MYO5A: variants seen among roughly 807,000 people sequenced by gnomAD.
The protein encoded by MYO5A is unconventional myosin-Va.
Under a neutral mutation model 249.7 loss-of-function variants are expected in MYO5A, and 98 were observed. The ratio of observed to expected loss-of-function variants is 0.39; its 90% CI spans 0.33 to 0.46. The LOEUF is 0.46. Ranked by LOEUF, MYO5A falls within the 20% of genes least tolerant of loss-of-function variation. The pLI is 0.98. For synonymous variants in MYO5A, 778 were observed against 810.6 expected, an observed-to-expected ratio of 0.96 and a Z score of 0.68; for missense variants, 1,696 against 2,308.8, an observed-to-expected ratio of 0.73 and a Z score of 5.44.
At chr15:52,416,630 G>A (rs2043507032) in intron 4 of MYO5A, among the ~76,000 whole-genome samples, 1 of 152,082 alleles carries the variant, frequency 6.6e-6, no homozygotes, top group African/African-American at 2.4e-5. Context: ...CATTTCATGG[G>A]GTGTGGGGGA....
chr15:52,399,925 T>C (rs1162342083), intron 9 of MYO5A, among the ~76,000 whole-genome samples: 3 of 152,242 alleles, frequency 2.0e-5, no homozygotes, highest in Non-Finnish European at 1.5e-5. Flanking sequence ...TTTCTGTTTT[T>C]GCATAACTTA....
intron 24 of MYO5A, among the ~76,000 whole-genome samples, chr15:52,362,803 TTTC>T (rs2040600016): frequency 6.6e-6 from 1 of 152,180 alleles, no homozygotes; most frequent in Non-Finnish European, 1.5e-5. Flanking sequence ...CTGGAGGACC[TTTC>T]TAGAAATGGC....
intron 22 of MYO5A, among the ~76,000 whole-genome samples, chr15:52,369,007 G>A (rs149981654): frequency 5.0e-4 from 76 of 152,270 alleles, no homozygotes; most frequent in African/African-American, 1.7e-3. Context: ...TTGAGTGCAC[G>A]TCTTAATTCT....
intron 27 of MYO5A, among the ~76,000 whole-genome samples, chr15:52,351,848 G>T (rs901560400): frequency 4.6e-5 from 7 of 152,126 alleles, no homozygotes; most frequent in Admixed American, 1.3e-4. Context: ...GAAATCTGAG[G>T]GTCCAGCTGG....
intron 24 of MYO5A, among the ~76,000 whole-genome samples, chr15:52,363,343 T>C (rs535058937): frequency 1.3e-5 from 2 of 152,372 alleles, no homozygotes; most frequent in South Asian, 2.1e-4. Flanking sequence ...TCTTTAGATT[T>C]GTCAATTATA....
At chr15:52,374,472 A>C (rs1241406704) in intron 20 of MYO5A, among the ~76,000 whole-genome samples, 1 of 152,234 alleles carries the variant, frequency 6.6e-6, no homozygotes, top group Non-Finnish European at 1.5e-5. Context: ...CTATTTATTC[A>C]GAAAAAGGGC....
chr15:52,377,224 A>C (rs558619041), intron 18 of MYO5A, among the ~76,000 whole-genome samples: 2 of 152,034 alleles, frequency 1.3e-5, no homozygotes, highest in Non-Finnish European at 2.9e-5. Context: ...GAGATCGAGA[A>C]CATCCTGGCC....
At chr15:52,346,573 T>A (rs773367178) in intron 29 of MYO5A, 112 bp from the exon 30 acceptor site, 46 of 738,530 alleles carry the variant, frequency 6.2e-5, no homozygotes, top group Middle Eastern at 2.3e-4. Flanking sequence ...CCACCATACC[T>A]GTGACCCACC....
intron 1 of MYO5A, among the ~76,000 whole-genome samples, chr15:52,493,962 A>G (rs2076986715): frequency 6.6e-6 from 1 of 152,236 alleles, no homozygotes; most frequent in South Asian, 2.1e-4. Flanking sequence ...CAAGAGTAGA[A>G]AAAAACAACT....
At chr15:52,433,413 C>CTTT (rs151276395) in intron 1 of MYO5A, 128 bp from the exon 2 acceptor site, 6,256 of 272,000 alleles carry the variant, frequency 0.023, 56 homozygotes, top group South Asian at 0.036. Context: ...ATGAAATTCA[C>CTTT]TTTTTTTTTT....
chr15:52,479,123 G>A (rs924637111), intron 1 of MYO5A, among the ~76,000 whole-genome samples: 1 of 151,928 alleles, frequency 6.6e-6, no homozygotes, highest in African/African-American at 2.4e-5. Flanking sequence ...AGCCTCCTGA[G>A]TAGCTGGAAT....
chr15:52,320,087 A>C (rs1331566931), intron 38 of MYO5A, among the ~76,000 whole-genome samples: 2 of 152,174 alleles, frequency 1.3e-5, no homozygotes, highest in Non-Finnish European at 2.9e-5. Context: ...ATGGGTCTGG[A>C]GAGCTGGGCC....
intron 4 of MYO5A, among the ~76,000 whole-genome samples, chr15:52,418,207 T>C (rs899258197): frequency 2.0e-5 from 3 of 152,184 alleles, no homozygotes; most frequent in African/African-American, 7.2e-5. Context: ...GTTTGGCCAG[T>C]CCTTTCAAGG....
intron 27 of MYO5A, among the ~76,000 whole-genome samples, 170 bp downstream of exon 27, chr15:52,353,435 G>A (rs2040051948): frequency 6.6e-6 from 1 of 152,144 alleles, no homozygotes; most frequent in South Asian, 2.1e-4. Flanking sequence ...TATATGAAAT[G>A]GAATTTATAA....
At chr15:52,438,734 G>A (rs534374681) in intron 1 of MYO5A, among the ~76,000 whole-genome samples, 1 of 152,270 alleles carries the variant, frequency 6.6e-6, no homozygotes, top group African/African-American at 2.4e-5. Flanking sequence ...ATTCCAGCCG[G>A]CAACGGCTAC....
At chr15:52,404,473 C>T (rs540657531) in intron 9 of MYO5A, among the ~76,000 whole-genome samples, 2 of 152,148 alleles carry the variant, frequency 1.3e-5, no homozygotes, top group East Asian at 3.9e-4. Context: ...AAAAAGGCAA[C>T]TAAGTGAGTT....
At chr15:52,404,654 A>T (rs1405863033) in intron 9 of MYO5A, among the ~76,000 whole-genome samples, 2 of 152,208 alleles carry the variant, frequency 1.3e-5, no homozygotes, top group Non-Finnish European at 2.9e-5. Context: ...GTGTGTATCT[A>T]AGAAGAGATG....
chr15:52,340,205 G>T lies in MYO5A; in HGVS notation c.4230C>A (p.Asn1410Lys), dbSNP rs753611316. ...CGGCAGCTCTCCTTACCAAGTTTTC[G>T]TTGGTCAGCCGGGTGATCTCGTGCT... ...SLQHEITRLT[N>K]ENLYFEELYA... Residue 1410 changes from asparagine (N) to lysine (K), a missense_variant, in exon 32 of 42, where the codon AAC (asparagine) becomes AAA (lysine). By Grantham distance (94) the Asn-to-Lys change is moderately conservative (BLOSUM62 0). Around this residue, in one of 5 missense-constraint regions of MYO5A, gnomAD observed 625 missense variants for 908.1 expected, o/e 0.69. Transcript: ENST00000399233. 1.9e-6 allele frequency: 3 copies of T among 1,614,038 alleles called. No individual in the cohort carries two copies. Among genetic ancestry groups the T allele is most frequent in the Non-Finnish European group, 8.5e-7 (1 of 1,180,024 alleles).
intron 1 of MYO5A, among the ~76,000 whole-genome samples, chr15:52,443,495 G>A (rs1442089357): frequency 1.3e-5 from 2 of 150,754 alleles, no homozygotes; most frequent in Admixed American, 6.6e-5. Context: ...GGTAGATCAC[G>A]AGGTTAGGAG....
Sources: allele counts gnomAD v4.1 joint callset (sites outside exome capture counted in the v4.1 genomes callset), GRCh38; gene constraint gnomAD v4.1.1; regional missense constraint gnomAD v4.1.1; transcripts MANE v1.5; gene names NCBI Gene and HGNC (gene_info 2026-07-23, HGNC 2026-07-21).